Variants in EHMT1 observed in about 807,000 individuals in gnomAD.
EHMT1 encodes euchromatic histone lysine methyltransferase 1, also known as histone-lysine N-methyltransferase EHMT1.
In EHMT1, 15 loss-of-function variants were observed where a neutral mutation model predicts 147.2. The observed-to-expected ratio is 0.10, with a 90% CI of 0.07 to 0.16. The LOEUF (loss-of-function observed/expected upper bound fraction) is 0.16. Ranked by LOEUF, EHMT1 falls within the 10% of genes least tolerant of loss-of-function variation. The probability of loss-of-function intolerance (pLI) is 1.00; values close to 1 mark genes in which losing one functional copy is unlikely to be tolerated. For missense variants in EHMT1, 1,587 were observed against 1,772.4 expected (o/e 0.90, Z 1.88); for synonymous variants, 795 against 709.6 (o/e 1.12, Z -1.91).
At chr9:137,661,864 G>A (rs1301392006) in intron 1 of EHMT1, among the ~76,000 whole-genome samples, 1 of 152,072 alleles carries the variant, frequency 6.6e-6, no homozygotes, top group Non-Finnish European at 1.5e-5. Context: ...GTGCAATGCT[G>A]CAATCTCGGC....
rs1387044422 is a variant in EHMT1 at position 137,782,679 on chromosome 9, G to A, written c.2382+282G>A. The stretch of plus-strand genomic sequence containing the variant: ...GGTTTTGGTTCTTCACACTCATGAC[G>A]TCCCTCTGGGGGAGCCAAGCACTCG... On this transcript the variant is annotated intron_variant, in intron 15 of 26. Coordinates refer to ENST00000460843, the MANE Select transcript of EHMT1 (RefSeq NM_024757.5). The surrounding 1 kb of genome is among the most constrained non-coding windows in gnomAD (Gnocchi z 5.7). Among the ~76,000 whole-genome samples, 6 of 152,224 alleles carry A rather than the reference G, an allele frequency of 3.9e-5. No individual in the cohort carries two copies. The highest frequency in any genetic ancestry group is 2.1e-4 in the South Asian group (1 of 4,824).
chr9:137,743,634 C>T, intron 5 of EHMT1, 106 bp downstream of exon 5: 1 of 1,524,698 alleles, frequency 6.6e-7, no homozygotes, highest in Non-Finnish European at 9.0e-7. Context: ...CGGGAAGGTG[C>T]CAGTGCCATG....
chr9:137,766,870 A>G (rs1950253408), intron 10 of EHMT1, among the ~76,000 whole-genome samples: 1 of 152,150 alleles, frequency 6.6e-6, no homozygotes, highest in Non-Finnish European at 1.5e-5. Context: ...TTGGACCCCC[A>G]GGCTGGAATG....
At chr9:137,711,067 C>T (rs774640422) in intron 2 of EHMT1, 37 bp downstream of exon 2, 24 of 1,560,044 alleles carry the variant, frequency 1.5e-5, no homozygotes, top group Non-Finnish European at 2.0e-5. Flanking sequence ...GGAGCAGCGC[C>T]TCCCTCCAGA....
intron 25 of EHMT1, among the ~76,000 whole-genome samples, chr9:137,822,921 G>T (rs577098629): frequency 8.4e-4 from 124 of 148,334 alleles, no homozygotes; most frequent in Non-Finnish European, 1.6e-3. Flanking sequence ...CCTGTTTTTT[G>T]TTGTTGTTGT....
chr9:137,670,534 A>G lies in EHMT1; in HGVS notation c.22-40433A>G, dbSNP rs1435756429. Among the ~76,000 whole-genome samples, 7 of 151,826 alleles carry G rather than the reference A, an allele frequency of 4.6e-5. No individual in the cohort carries two copies. The South Asian group carries it at 1.5e-3, about 32-fold the overall frequency. On this transcript the variant is annotated intron_variant, in intron 1 of 26. Transcript: ENST00000460843. ...TTTCCTGCTCCCTTCATGGCTTCCCATCTGCCTCCCTCCTCTTTGCCCTTC... is the reference window on the plus strand; with the variant it reads ...TTTCCTGCTCCCTTCATGGCTTCCCGTCTGCCTCCCTCCTCTTTGCCCTTC...
chr9:137,638,863 C>T (rs1024734026), intron 1 of EHMT1, among the ~76,000 whole-genome samples: 7 of 152,074 alleles, frequency 4.6e-5, no homozygotes, highest in African/African-American at 1.7e-4. Flanking sequence ...GTGTCAGGGA[C>T]GGCCAGCAGA....
At chr9:137,704,465 G>T (rs1037604273) in intron 1 of EHMT1, among the ~76,000 whole-genome samples, 9 of 152,148 alleles carry the variant, frequency 5.9e-5, no homozygotes, top group Non-Finnish European at 4.4e-5. Context: ...ATTTAAGATA[G>T]TGTTTGGTTT....
At chr9:137,679,156 G>C (rs1167122186) in intron 1 of EHMT1, among the ~76,000 whole-genome samples, 50 of 152,202 alleles carry the variant, frequency 3.3e-4, no homozygotes. Flanking sequence ...TCACCATGTT[G>C]GCCAGGCTGG....
Position 137,710,944 on chromosome 9 carries a change from C to T in EHMT1, c.22-23C>T, listed in dbSNP as rs187274589. The T allele has an allele frequency of 1.5e-3, 2,334 of 1,587,050 alleles. 10 individuals are homozygous for T. The highest frequency in any genetic ancestry group is 3.8e-3 in the Middle Eastern group (23 of 6,030). The stretch of plus-strand genomic sequence containing the variant: ...GCGGCCTCCCACTGAACCCGGCTGA[C>T]GGCTGTTGTTTCTCTCTAACAGGCA... On this transcript the variant is annotated intron_variant, in intron 1 of 26. Coordinates refer to ENST00000460843, the MANE Select transcript of EHMT1 (RefSeq NM_024757.5).
chr9:137,822,621 G>A (rs1425843596), intron 25 of EHMT1, among the ~76,000 whole-genome samples: 1 of 152,076 alleles, frequency 6.6e-6, no homozygotes, highest in Non-Finnish European at 1.5e-5. Flanking sequence ...TGGGCCGGGC[G>A]CAGTGGCTCA....
Position 137,754,153 on chromosome 9 carries a change from G to T in EHMT1, c.1249-18G>T, listed in dbSNP as rs1421420707. On this transcript the variant is annotated intron_variant, in intron 7 of 26. Transcript: ENST00000460843. ...CCTGTGCTTAGTGGTTTATATGCCT[G>T]CCCGTTTGGTTCTCCAGAGTTCGGA... 6.2e-7 allele frequency: 1 copy of T among 1,614,012 alleles called. No homozygotes were observed. The highest frequency in any genetic ancestry group is 1.7e-5 in the Admixed American group (1 of 60,024).
rs554378998 is a variant in EHMT1 at position 137,834,200 on chromosome 9, C to A, written c.3541-149C>A. The A allele has an allele frequency of 2.4e-4, 256 of 1,056,880 alleles. No individual in the cohort carries two copies. In the African/African-American group the frequency reaches 3.8e-3, roughly 16 times the overall value. The allele number at this position is 1,056,880 out of a possible 1,614,324, so 65.5% of individuals were successfully genotyped here. A position where few individuals can be genotyped will look rare whatever the true frequency, so the allele number is the denominator to read the frequency against. ...GAAGGCTGGCGGAGGCTCCGCACCG[C>A]CGCCACAGGTCACTGGAGAAGGCCC... is the stretch of plus-strand genomic sequence containing the variant. On this transcript the variant is annotated intron_variant, in intron 25 of 26. Transcript: ENST00000460843.
chr9:137,831,221 A>T (rs1010497942), intron 25 of EHMT1, among the ~76,000 whole-genome samples: 24 of 152,240 alleles, frequency 1.6e-4, no homozygotes, highest in African/African-American at 5.5e-4. Context: ...TAGCACCTGC[A>T]GTAACCATCA....
chr9:137,717,335 G>T, intron 3 of EHMT1, 153 bp downstream of exon 3: 1 of 998,212 alleles, frequency 1.0e-6, no homozygotes, highest in South Asian at 1.4e-5. Context: ...GGGAGCAGTG[G>T]CTTACAGCTG....
intron 15 of EHMT1, among the ~76,000 whole-genome samples, chr9:137,783,912 T>C (rs1031824954): frequency 1.3e-5 from 2 of 152,262 alleles, no homozygotes; most frequent in African/African-American, 4.8e-5. Context: ...ATATGTATTT[T>C]AAACGTAGAA....
Position 137,834,900 on chromosome 9 carries a change from C to G in EHMT1, c.3844C>G (p.Gln1282Glu), listed in dbSNP as rs1251462714. 1.2e-6 allele frequency: 2 copies of G among 1,601,700 alleles called. No individual in the cohort carries two copies. ...TCAGGCCAGCGCGGCCCAGGAGGCCCAGGAGGACGGCTTGCCCGACACCAG... is the reference window on the plus strand; with the variant it reads ...TCAGGCCAGCGCGGCCCAGGAGGCCGAGGAGGACGGCTTGCCCGACACCAG... ...QRQASAAQEA[Q>E]EDGLPDTSSA... Residue 1282 changes from glutamine (Q) to glutamate (E), a missense_variant, in exon 27 of 27, where the codon CAG (glutamine) becomes GAG (glutamate). By Grantham distance (29) the Gln-to-Glu change is conservative (BLOSUM62 2). Around this residue, in one of 7 missense-constraint regions of EHMT1, gnomAD observed 141 missense variants for 150.8 expected, o/e 0.94. Coordinates refer to ENST00000460843, the MANE Select transcript of EHMT1 (RefSeq NM_024757.5).
chr9:137,627,631 C>T (rs1214132573), intron 1 of EHMT1, among the ~76,000 whole-genome samples: 1 of 152,006 alleles, frequency 6.6e-6, no homozygotes, highest in Non-Finnish European at 1.5e-5. Flanking sequence ...GGCCCTTTTG[C>T]AGAGGTTCTG....
At chr9:137,652,617 C>T (rs1021633351) in intron 1 of EHMT1, among the ~76,000 whole-genome samples, 1 of 151,910 alleles carries the variant, frequency 6.6e-6, no homozygotes, top group African/African-American at 2.4e-5. Context: ...AACTCCTGAC[C>T]TCAGGTGATC....
Sources: allele counts gnomAD v4.1 joint callset (sites outside exome capture counted in the v4.1 genomes callset), GRCh38; gene constraint gnomAD v4.1.1; regional missense constraint gnomAD v4.1.1; non-coding constraint Gnocchi (gnomAD v3.1); transcripts MANE v1.5; gene names NCBI Gene and HGNC (gene_info 2026-07-23, HGNC 2026-07-21).